The following SH3KBP1 variants were observed in gnomAD, a reference collection of about 807,000 sequenced individuals.
SH3KBP1 encodes the protein SH3 domain containing kinase binding protein 1.
A neutral mutation model predicts 50.1 loss-of-function variants in SH3KBP1; 8 were observed. The observed-to-expected ratio is 0.16, with a 90% confidence interval of 0.09 to 0.29. The LOEUF (loss-of-function observed/expected upper bound fraction) is 0.29. Among genes scored for constraint, SH3KBP1 ranks in the 10% least tolerant of loss-of-function variants. The pLI is 1.00. For missense variants in SH3KBP1, 377 were observed against 535.2 expected (o/e 0.70, Z 2.92); for synonymous variants, 227 against 218.6 (o/e 1.04, Z -0.34).
intron 3 of SH3KBP1, among the ~76,000 whole-genome samples, chrX:19,740,358 G>A (rs2064731417): frequency 8.9e-6 from 1 of 111,916 alleles, no homozygotes; most frequent in Admixed American, 9.4e-5. Context: ...CATTCACACA[G>A]ACGTATATAT....
intron 2 of SH3KBP1, among the ~76,000 whole-genome samples, chrX:19,763,984 C>T (rs1431554930): frequency 1.0e-5 from 1 of 96,187 alleles, no homozygotes; most frequent in Non-Finnish European, 2.0e-5. Context: ...CACTGCATTC[C>T]AGCCTGGGTG....
intron 13 of SH3KBP1, among the ~76,000 whole-genome samples, chrX:19,554,208 ATATAATAT>A (rs1483569386): frequency 1.3e-5 from 1 of 77,635 alleles, no homozygotes; most frequent in Non-Finnish European, 2.2e-5. Flanking sequence ...TCATATTAAA[ATATAATAT>A]TATATATCAT....
intron 1 of SH3KBP1, among the ~76,000 whole-genome samples, chrX:19,838,855 C>CT (rs2068132268): frequency 1.0e-5 from 1 of 99,431 alleles, no homozygotes; most frequent in South Asian, 4.8e-4. Context: ...CCGCTGTACT[C>CT]CAGCCTGGGG....
intron 2 of SH3KBP1, among the ~76,000 whole-genome samples, chrX:19,798,529 TC>T (rs1327607277): frequency 2.7e-5 from 3 of 111,725 alleles, no homozygotes; most frequent in African/African-American, 9.8e-5. Context: ...CTAACTTGGG[TC>T]CTCAGTTCCC....
chrX:19,708,639 T>C (rs1255832997), intron 3 of SH3KBP1, among the ~76,000 whole-genome samples: 1 of 111,951 alleles, frequency 8.9e-6, no homozygotes, highest in African/African-American at 3.3e-5. Context: ...ATAAAGGATA[T>C]GGATTTCTCA....
chrX:19,847,383 C>T (rs2068392053), intron 1 of SH3KBP1, among the ~76,000 whole-genome samples: 1 of 111,564 alleles, frequency 9.0e-6, no homozygotes, highest in Non-Finnish European at 1.9e-5. Flanking sequence ...GAGTGCTTGG[C>T]CCCGTCAGGC....
intron 2 of SH3KBP1, among the ~76,000 whole-genome samples, chrX:19,828,790 A>T (rs2067772274): frequency 2.7e-5 from 3 of 111,672 alleles, no homozygotes; most frequent in East Asian, 2.8e-4. Context: ...TAAAAAAAAT[A>T]AAAAAATAAA....
intron 5 of SH3KBP1, among the ~76,000 whole-genome samples, chrX:19,692,195 C>T (rs1056548718): frequency 9.0e-6 from 1 of 111,456 alleles, no homozygotes; most frequent in East Asian, 2.8e-4. Flanking sequence ...TCCACCAATA[C>T]AATCGTTGCA....
intron 13 of SH3KBP1, among the ~76,000 whole-genome samples, chrX:19,565,051 A>ATTTTTTTTTTTTTTTTTTTTTTTT (rs59323105): frequency 4.5e-5 from 3 of 66,530 alleles, no homozygotes; most frequent in African/African-American, 2.3e-4. Context: ...TTCAACTCCA[A>ATTTTTTTTTTTTTTTTTTTTTTTT]TTTTTTTTTT....
chrX:19,612,861 A>G (rs902306970), intron 8 of SH3KBP1, among the ~76,000 whole-genome samples: 1 of 112,361 alleles, frequency 8.9e-6, no homozygotes, highest in Non-Finnish European at 1.9e-5. Context: ...CTGGAAGCAG[A>G]GAACAAGGAC....
At chrX:19,756,184 C>G (rs1036785378) in intron 2 of SH3KBP1, among the ~76,000 whole-genome samples, 3 of 111,152 alleles carry the variant, frequency 2.7e-5, no homozygotes, top group African/African-American at 9.8e-5. Flanking sequence ...TGTATCATTC[C>G]GGCTATTTTC....
chrX:19,712,135 G>T (rs1185839380), intron 3 of SH3KBP1, among the ~76,000 whole-genome samples: 1 of 112,201 alleles, frequency 8.9e-6, no homozygotes, highest in Non-Finnish European at 1.9e-5. Flanking sequence ...CAAAACTACT[G>T]ATGCCTTCCT....
intron 1 of SH3KBP1, among the ~76,000 whole-genome samples, chrX:19,878,505 TGA>T (rs57445899): frequency 0.036 from 1,738 of 48,063 alleles, 22 homozygotes; most frequent in Admixed American, 0.11. Flanking sequence ...TGTGTGTGTG[TGA>T]GAGAGAGAGA....
At chrX:19,619,843 A>T (rs1415037517) in intron 8 of SH3KBP1, among the ~76,000 whole-genome samples, 3 of 112,681 alleles carry the variant, frequency 2.7e-5, no homozygotes, top group African/African-American at 9.7e-5. Context: ...ATGTAAACTT[A>T]TGTAACAACA....
intron 9 of SH3KBP1, among the ~76,000 whole-genome samples, chrX:19,598,135 C>G (rs1486695819): frequency 1.8e-5 from 2 of 112,582 alleles, no homozygotes; most frequent in African/African-American, 6.4e-5. Flanking sequence ...TAGGGCCTTG[C>G]TCTGAATTAG....
rs532095548 is a variant in SH3KBP1 at position 19,797,362 on chromosome X, G to A, written c.162+38763C>T. The stretch of plus-strand genomic sequence containing the variant: ...AGGGGCATTCCCAGCAGTGAGAATT[G>A]CAAGTGACCAGACGCAGAGACAGTG... On this transcript the variant is annotated intron_variant, in intron 2 of 17. Coordinates refer to ENST00000397821, the MANE Select transcript of SH3KBP1 (RefSeq NM_031892.3). Among the ~76,000 whole-genome samples the A allele has an allele frequency of 1.2e-4, 13 of 111,775 alleles. No homozygotes were observed. The South Asian group carries it at 4.5e-3, about 39-fold the overall frequency.
intron 6 of SH3KBP1, among the ~76,000 whole-genome samples, chrX:19,661,495 A>G (rs915105428): frequency 1.8e-5 from 2 of 111,462 alleles, no homozygotes; most frequent in African/African-American, 6.5e-5. Context: ...AATATTTTAA[A>G]AAGTTAACAG....
chrX:19,670,376 G>A lies in SH3KBP1; in HGVS notation c.726+13447C>T, dbSNP rs1251028125. The A allele has an allele frequency of 4.0e-6, 3 of 751,490 alleles. No homozygotes were observed. The African/African-American group carries it at 7.0e-5, about 18-fold the overall frequency. The allele number at this position is 751,490 out of a possible 1,213,427, so 61.9% of individuals were successfully genotyped here. A position where few individuals can be genotyped will look rare whatever the true frequency, so the allele number is the denominator to read the frequency against. ...ACCCTCAAGAGTGAAACGCCCCACA[G>A]CTGGCTTGCTCTGCATGGACATACC... is the stretch of plus-strand genomic sequence containing the variant. On this transcript the variant is annotated intron_variant, in intron 6 of 17. Transcript: ENST00000397821.
chrX:19,643,313 T>A (rs1018928712), intron 7 of SH3KBP1, among the ~76,000 whole-genome samples: 74 of 86,434 alleles, frequency 8.6e-4, no homozygotes, highest in Non-Finnish European at 1.3e-3. Context: ...TTTTATTTTT[T>A]TTTTTTTTAT....
Sources: gnomAD v4.1 joint callset for allele counts (sites outside exome capture counted in the v4.1 genomes callset) on GRCh38, gnomAD v4.1.1 for gene constraint, MANE v1.5 for transcripts, NCBI Gene and HGNC (gene_info 2026-07-23, HGNC 2026-07-21) for gene names.